The following CREBBP variants were observed in gnomAD, a reference collection of about 807,000 sequenced individuals.
The protein encoded by CREBBP is CREB binding lysine acetyltransferase.
A neutral mutation model predicts 265.0 loss-of-function variants in CREBBP; 19 were observed. The observed-to-expected ratio is 0.07, with a 90% confidence interval of 0.05 to 0.11. The LOEUF (loss-of-function observed/expected upper bound fraction) is 0.11, where lower values mean the gene tolerates loss of function less well. CREBBP is among the 10% of genes least tolerant of loss of function. The pLI, the probability that CREBBP is intolerant of heterozygous loss-of-function variation, is 1.00. For synonymous variants in CREBBP, 1,457 were observed against 1,223.7 expected (o/e 1.19, Z -3.98); for missense variants, 2,525 against 3,219.0 (o/e 0.78, Z 5.22).
In CREBBP at chr16:3,778,184, TA is replaced by T; in HGVS notation, c.1942-3del. On this transcript the variant is annotated splice_polypyrimidine_tract_variant and splice_region_variant and intron_variant, in intron 9 of 30. Transcript: ENST00000262367. ...TGCTAATAAGTGATAATATTCATCC[TA>T]AAAAGCAATAATATTCAATATGAAA... The T allele has an allele frequency of 6.3e-7, 1 of 1,587,274 alleles. No homozygotes were observed. The highest frequency in any genetic ancestry group is 8.7e-7 in the Non-Finnish European group (1 of 1,155,708).
chr16:3,740,833 C>A, intron 23 of CREBBP: 1 of 455,604 alleles, frequency 2.2e-6, no homozygotes, highest in Admixed American at 3.4e-5. Context: ...GCGGTGGGTC[C>A]AAAATTGACA....
rs1399152801 is a variant in CREBBP at position 3,880,580 on chromosome 16, C to G, written c.-664G>C. 6.9e-6 allele frequency: 1 copy of G among 145,268 alleles called. No homozygotes were observed. Among genetic ancestry groups the G allele is most frequent in the African/African-American group, 2.5e-5 (1 of 40,336 alleles). The allele number at this position is 145,268 out of a possible 1,614,324, so 9.0% of individuals were successfully genotyped here. On this transcript the variant is annotated 5_prime_UTR_variant, in exon 1 of 31. Coordinates refer to ENST00000262367, the MANE Select transcript of CREBBP (RefSeq NM_004380.3). ...GGCCGCCGGGGCGGGCGCCGAGGGC[C>G]GGGCGGAGCGGGCCGGCCGGGCGGA...
At chr16:3,797,332 T>A (rs1294055243) in intron 3 of CREBBP, among the ~76,000 whole-genome samples, 1 of 152,162 alleles carries the variant, frequency 6.6e-6, no homozygotes, top group African/African-American at 2.4e-5. Flanking sequence ...GCTAATTTCT[T>A]TACTTAAGTC....
chr16:3,835,470 C>T (rs1440237306), intron 2 of CREBBP, among the ~76,000 whole-genome samples: 1 of 151,814 alleles, frequency 6.6e-6, no homozygotes, highest in East Asian at 1.9e-4. Flanking sequence ...CAGAAACAGA[C>T]ACCTCCTTGT....
At chr16:3,771,629 T>A (rs1222404657) in intron 13 of CREBBP, among the ~76,000 whole-genome samples, 1 of 151,786 alleles carries the variant, frequency 6.6e-6, no homozygotes, top group Non-Finnish European at 1.5e-5. Context: ...CTGAACCCAA[T>A]ATTTACCAAG....
chr16:3,769,110 G>T (rs2052933879), intron 15 of CREBBP, 64 bp downstream of exon 15: 1 of 1,588,874 alleles, frequency 6.3e-7, no homozygotes, highest in Non-Finnish European at 8.6e-7. Context: ...TCCAAGCCTC[G>T]CCCGAGGACA....
At chr16:3,732,825 CTAGTAGCTGAGATTA>C in intron 28 of CREBBP, among the ~76,000 whole-genome samples, 1 of 152,124 alleles carries the variant, frequency 6.6e-6, no homozygotes, top group Admixed American at 6.5e-5. Context: ...CTGAACCTCC[CTAGTAGCTGAGATTA>C]TAGGTGCTGC....
intron 20 of CREBBP, among the ~76,000 whole-genome samples, chr16:3,751,034 T>C (rs2052460485): frequency 2.0e-5 from 3 of 151,304 alleles, no homozygotes; most frequent in African/African-American, 7.3e-5. Flanking sequence ...CCAGCCTGGG[T>C]AACAACAGTG....
chr16:3,838,652 T>C (rs923544716), intron 2 of CREBBP, among the ~76,000 whole-genome samples: 2 of 152,208 alleles, frequency 1.3e-5, no homozygotes, highest in Non-Finnish European at 2.9e-5. Context: ...TATGACTGGA[T>C]GATAGGCTTA....
chr16:3,845,528 C>T (rs2054648571), intron 2 of CREBBP, among the ~76,000 whole-genome samples: 1 of 151,968 alleles, frequency 6.6e-6, no homozygotes, highest in African/African-American at 2.4e-5. Context: ...ATGATTATAA[C>T]AAGAAAAAAT....
At position 3,778,824 on chromosome 16, in the gene CREBBP, G is replaced by A. The variant is rs2053204932; in HGVS notation, c.1824-7C>T. On this transcript the variant is annotated splice_region_variant and splice_polypyrimidine_tract_variant and intron_variant, in intron 8 of 30. Coordinates refer to ENST00000262367, the MANE Select transcript of CREBBP (RefSeq NM_004380.3). ...TGGGAAGATGGCTTGGACGCTGAAA[G>A]GATAACACATCTATCAAACTACTTT... 6.2e-7 allele frequency: 1 copy of A among 1,611,428 alleles called. No individual in the cohort carries two copies. The highest frequency in any genetic ancestry group is 1.3e-5 in the African/African-American group (1 of 74,850).
At chr16:3,766,031 T>G (rs2052843979) in intron 16 of CREBBP, among the ~76,000 whole-genome samples, 1 of 152,114 alleles carries the variant, frequency 6.6e-6, no homozygotes, top group Admixed American at 6.6e-5. Flanking sequence ...AAGAGACTGA[T>G]GGTGGTATTA....
At chr16:3,849,403 GTGTGTGTGTGTGTGTGTGT>G (rs2054738356) in intron 2 of CREBBP, among the ~76,000 whole-genome samples, 2 of 4,304 alleles carry the variant, frequency 4.6e-4, no homozygotes, top group African/African-American at 5.4e-4. Flanking sequence ...GTGTGTGTGT[GTGTGTGTGTGTGTGTGTGT>G]GTGTGTGTGT....
intron 3 of CREBBP, among the ~76,000 whole-genome samples, chr16:3,802,376 C>G (rs1418731455): frequency 6.6e-6 from 1 of 151,996 alleles, no homozygotes; most frequent in Non-Finnish European, 1.5e-5. Context: ...AAGTGATCCA[C>G]CCGCCTTGGC....
intron 26 of CREBBP, among the ~76,000 whole-genome samples, chr16:3,737,767 A>G (rs981126638): frequency 2.6e-4 from 38 of 144,076 alleles, no homozygotes; most frequent in Admixed American, 2.6e-3. Context: ...TTTTTTTTGT[A>G]TTTTTCTTTT....
At chr16:3,790,443 C>T (rs562336733) in intron 5 of CREBBP, among the ~76,000 whole-genome samples, 8 of 135,694 alleles carry the variant, frequency 5.9e-5, no homozygotes, top group East Asian at 4.4e-4. Context: ...GGCGTGATCT[C>T]GGCTCACCGC....
At chr16:3,739,016 T>G (rs1349052984) in intron 25 of CREBBP, among the ~76,000 whole-genome samples, 1 of 152,240 alleles carries the variant, frequency 6.6e-6, no homozygotes, top group Non-Finnish European at 1.5e-5. Context: ...GTGCTGTGAT[T>G]GGCCAGTTTT....
intron 1 of CREBBP, among the ~76,000 whole-genome samples, chr16:3,860,826 C>A (rs1039065927): frequency 6.6e-6 from 1 of 152,004 alleles, no homozygotes; most frequent in African/African-American, 2.4e-5. Context: ...CCACACTACG[C>A]TCTCGGTGTG....
In CREBBP at chr16:3,850,448, G is replaced by C. The variant is rs2141490547; in HGVS notation, c.647C>G (p.Ala216Gly). 1.2e-6 allele frequency: 2 copies of C among 1,614,236 alleles called. No homozygotes were observed. Among genetic ancestry groups the C allele is most frequent in the East Asian group, 4.5e-5 (2 of 44,890 alleles). Reference sequence around the variant, plus strand: ...CATTCCAGCTCCCCTTCCTCTGCCAGCAGCCCCAAGAGATCCATTCATGAC... The same window carrying C: ...CATTCCAGCTCCCCTTCCTCTGCCACCAGCCCCAAGAGATCCATTCATGAC... ...AQVMNGSLGA[A>G]GRGRGAGMPY... Residue 216 changes from alanine (A) to glycine (G), a missense_variant, in exon 2 of 31, where the codon GCT becomes GGT. Coordinates refer to ENST00000262367, the MANE Select transcript of CREBBP (RefSeq NM_004380.3).
Sources: gnomAD v4.1 joint callset for allele counts (sites outside exome capture counted in the v4.1 genomes callset) on GRCh38, gnomAD v4.1.1 for gene constraint, MANE v1.5 for transcripts, NCBI Gene and HGNC (gene_info 2026-07-23, HGNC 2026-07-21) for gene names.